The following PDE11A variants were observed in gnomAD, a reference collection of about 807,000 sequenced individuals.
The protein encoded by PDE11A is dual 3',5'-cyclic-AMP and -GMP phosphodiesterase 11A.
A neutral mutation model predicts 100.5 loss-of-function variants in PDE11A; 100 were observed. The ratio of observed to expected loss-of-function variants is 1.00; its 90% CI spans 0.85 to 1.18. The LOEUF (loss-of-function observed/expected upper bound fraction) is 1.18. Among genes scored for constraint, PDE11A ranks in the 50% most tolerant of loss-of-function variants. The pLI, the probability that PDE11A is intolerant of heterozygous loss-of-function variation, is 0.00. For missense variants in PDE11A, 1,141 were observed against 1,152.6 expected (o/e 0.99, Z 0.15); for synonymous variants, 381 against 420.8 (o/e 0.91, Z 1.16).
chr2:178,047,956 A>G (rs957825300), intron 1 of PDE11A, among the ~76,000 whole-genome samples: 2 of 152,166 alleles, frequency 1.3e-5, no homozygotes, highest in Non-Finnish European at 2.9e-5. Flanking sequence ...ACTGTCTTCA[A>G]CTGAAGGTGA....
intron 9 of PDE11A, among the ~76,000 whole-genome samples, chr2:177,794,909 C>A (rs1056366266): frequency 5.9e-5 from 9 of 152,118 alleles, no homozygotes; most frequent in African/African-American, 2.2e-4. Context: ...CCTCAATCTC[C>A]CAAGTAGCTG....
chr2:177,924,948 C>T (rs2085106287), intron 2 of PDE11A, among the ~76,000 whole-genome samples: 1 of 146,044 alleles, frequency 6.8e-6, no homozygotes, highest in Non-Finnish European at 1.5e-5. Flanking sequence ...TCTCATTGTT[C>T]AATTCCCACC....
intron 19 of PDE11A, among the ~76,000 whole-genome samples, chr2:177,661,786 C>T (rs1461604046): frequency 1.3e-5 from 2 of 152,144 alleles, no homozygotes; most frequent in Admixed American, 6.5e-5. Context: ...TAGCTCCTTC[C>T]ATATTCCCTT....
intron 5 of PDE11A, among the ~76,000 whole-genome samples, chr2:177,862,669 T>C (rs116061976): frequency 0.012 from 1,847 of 151,908 alleles, 34 homozygotes; most frequent in African/African-American, 0.041. Context: ...AAATCACTGA[T>C]GAAAGAAACT....
chr2:177,802,099 C>T (rs1007807250), intron 9 of PDE11A, among the ~76,000 whole-genome samples: 7 of 151,860 alleles, frequency 4.6e-5, no homozygotes, highest in Admixed American at 2.0e-4. Flanking sequence ...TAAATAAGCA[C>T]ATAGAAAAAG....
chr2:177,707,207 C>T (rs533224540), intron 13 of PDE11A, among the ~76,000 whole-genome samples: 19 of 152,248 alleles, frequency 1.2e-4, no homozygotes, highest in African/African-American at 3.4e-4. Context: ...AGGCTCAGTT[C>T]CTCCTGTAAA....
chr2:177,737,590 C>A (rs1343144680), intron 10 of PDE11A, among the ~76,000 whole-genome samples: 8 of 144,690 alleles, frequency 5.5e-5, no homozygotes, highest in East Asian at 2.0e-4. Context: ...GACTCTGTCT[C>A]AAAAAAAAAA....
In PDE11A at chr2:177,629,392, A is replaced by G. The variant is rs1476106845; in HGVS notation, c.*15T>C. 1 of 1,612,302 alleles carries G rather than the reference A, an allele frequency of 6.2e-7. No individual in the cohort carries two copies. Among genetic ancestry groups the G allele is most frequent in the Non-Finnish European group, 8.5e-7 (1 of 1,179,184 alleles). On this transcript the variant is annotated 3_prime_UTR_variant, in exon 20 of 20. Coordinates refer to ENST00000286063, the MANE Select transcript of PDE11A (RefSeq NM_016953.4). ...CAGGCTGTAGTCATTTTGCAGCTGC[A>G]GCTGACCTGGAGGTTTAGTTCCTGT...
At position 177,658,484 on chromosome 2, in the gene PDE11A, CT is replaced by C. The variant is rs1402155159; in HGVS notation, c.2646+5381del. 2.6e-5 allele frequency among the ~76,000 whole-genome samples: 4 copies of C among 151,408 alleles called. No homozygotes were observed. The East Asian group carries it at 5.8e-4, about 22-fold the overall frequency. ...CCTCCTCTGCCTCTCCTCCCTTCCCCTCTCCTCTCCTCTTCTTTTTTCCCTC... is the reference window on the plus strand; with the variant it reads ...CCTCCTCTGCCTCTCCTCCCTTCCCCCTCCTCTCCTCTTCTTTTTTCCCTC... On this transcript the variant is annotated intron_variant, in intron 19 of 19. Transcript: ENST00000286063.
intron 2 of PDE11A, among the ~76,000 whole-genome samples, chr2:177,952,568 C>T (rs1202577581): frequency 6.6e-6 from 1 of 152,198 alleles, no homozygotes; most frequent in East Asian, 1.9e-4. Context: ...TGGGTACTTT[C>T]TGAGGCCTGG....
At chr2:178,094,670 C>G (rs2087467103) in intron 2 of PDE11A, among the ~76,000 whole-genome samples, 1 of 152,090 alleles carries the variant, frequency 6.6e-6, no homozygotes, top group Admixed American at 6.5e-5. Context: ...GTAGAGTGTT[C>G]TAGTCTATTT....
chr2:177,631,291 C>CAAAAAAAAAAAA (rs869059416), intron 19 of PDE11A, among the ~76,000 whole-genome samples: 83 of 11,230 alleles, frequency 7.4e-3, no homozygotes, highest in East Asian at 0.01. Flanking sequence ...ACTAAAAATG[C>CAAAAAAAAAAAA]AAAAAAAAAA....
At chr2:177,784,485 T>A (rs2082502939) in intron 9 of PDE11A, among the ~76,000 whole-genome samples, 1 of 152,142 alleles carries the variant, frequency 6.6e-6, no homozygotes, top group Non-Finnish European at 1.5e-5. Context: ...TCATGAATAA[T>A]CTACTCCTTG....
intron 1 of PDE11A, among the ~76,000 whole-genome samples, chr2:178,107,356 T>C (rs2087632109): frequency 6.6e-6 from 1 of 150,954 alleles, no homozygotes; most frequent in Admixed American, 6.6e-5. Context: ...TTTGGCACTC[T>C]ATCAGCATTT....
chr2:178,093,942 C>G (rs200436681), intron 2 of PDE11A, among the ~76,000 whole-genome samples: 1 of 150,640 alleles, frequency 6.6e-6, no homozygotes, highest in Non-Finnish European at 1.5e-5. Context: ...AGTAAAGAGC[C>G]AAATAACAGC....
chr2:177,677,328 G>A (rs751283856), intron 16 of PDE11A, among the ~76,000 whole-genome samples: 10 of 152,148 alleles, frequency 6.6e-5, no homozygotes, highest in East Asian at 1.9e-4. Context: ...GCTCAGAAAC[G>A]TTAGGTAACT....
intron 2 of PDE11A, among the ~76,000 whole-genome samples, chr2:177,984,181 A>G (rs549348086): frequency 6.6e-6 from 1 of 152,332 alleles, no homozygotes; most frequent in African/African-American, 2.4e-5. Context: ...CTATAATTTG[A>G]AAGTGGCTTA....
chr2:177,946,133 C>T (rs2085424238), intron 2 of PDE11A, among the ~76,000 whole-genome samples: 1 of 115,962 alleles, frequency 8.6e-6, no homozygotes, highest in African/African-American at 3.3e-5. Context: ...CGGCCAGCCG[C>T]CCCGTCTGGG....
chr2:177,813,855 A>G (rs2082992352), intron 9 of PDE11A, among the ~76,000 whole-genome samples: 1 of 151,950 alleles, frequency 6.6e-6, no homozygotes, highest in South Asian at 2.1e-4. Flanking sequence ...AGACACTGCA[A>G]TAAGGTTATG....
Sources: gnomAD v4.1 joint callset for allele counts (sites outside exome capture counted in the v4.1 genomes callset) on GRCh38, gnomAD v4.1.1 for gene constraint, MANE v1.5 for transcripts, NCBI Gene and HGNC (gene_info 2026-07-23, HGNC 2026-07-21) for gene names.